CDAN1: variants seen among roughly 807,000 people sequenced by gnomAD.
CDAN1 encodes the protein codanin-1.
CDAN1 carries 107 observed loss-of-function variants against 139.8 expected under a neutral mutation model. That is an observed-to-expected ratio of 0.77 (90% CI 0.65 to 0.90). The LOEUF (loss-of-function observed/expected upper bound fraction) is 0.90. CDAN1 is among the 40% of genes least tolerant of loss of function. The pLI, the probability that CDAN1 is intolerant of heterozygous loss-of-function variation, is 0.00. For missense variants in CDAN1, 1,667 were observed against 1,575.7 expected, an observed-to-expected ratio of 1.06 and a Z score of -0.98; for synonymous variants, 776 against 660.6, an observed-to-expected ratio of 1.17 and a Z score of -2.68.
At chr15:42,731,468 G>T in intron 11 of CDAN1, 137 bp from the exon 12 acceptor site, 1 of 1,434,170 alleles carries the variant, frequency 7.0e-7, no homozygotes, top group Non-Finnish European at 9.8e-7. Flanking sequence ...ACCCACGTGG[G>T]TGACAGAATG....
intron 21 of CDAN1, 64 bp downstream of exon 21, chr15:42,728,140 G>T: frequency 6.3e-7 from 1 of 1,596,392 alleles, no homozygotes. Context: ...CGCAGCCTCA[G>T]ACTACTCCGT....
Position 42,729,588 on chromosome 15 carries a change from T to C in CDAN1, c.2387A>G (p.Tyr796Cys). ...CTCACCGATGTAGGGGCAGCAGGTG[T>C]AGAGCAGCTGCTGGTCCACCACAGG... is the stretch of plus-strand genomic sequence containing the variant. ...NAPVVDQQLLYTCCPYIGELR... is the reference protein window; with the variant it reads ...NAPVVDQQLLCTCCPYIGELR... The change falls in exon 17 of 28, where the codon TAC becomes TGC. Residue 796 changes from tyrosine to cysteine, a missense_variant. Tyr to Cys is a radical substitution (Grantham distance 194, BLOSUM62 -2). Around this residue, in one of 3 missense-constraint regions of CDAN1, gnomAD observed 936 missense variants for 844.1 expected, o/e 1.11. Coordinates refer to ENST00000356231, the MANE Select transcript of CDAN1 (RefSeq NM_138477.4). 6.2e-7 allele frequency: 1 copy of C among 1,614,114 alleles called. No individual in the cohort carries two copies. Among genetic ancestry groups the C allele is most frequent in the Non-Finnish European group, 8.5e-7 (1 of 1,180,004 alleles).
chr15:42,727,488 GA>G, intron 23 of CDAN1, 132 bp downstream of exon 23: 1 of 811,114 alleles, frequency 1.2e-6, no homozygotes, highest in Non-Finnish European at 1.9e-6. Context: ...AGTAATGAGT[GA>G]AACGGGGACT....
rs764692459 is a variant in CDAN1 at position 42,735,897 on chromosome 15, G to A, written c.751C>T (p.Arg251Ter). The change falls in exon 3 of 28, where the codon CGA (arginine) becomes TGA (stop). Residue 251 changes from arginine (R) to a stop codon, truncating the protein, a stop_gained. Transcript: ENST00000356231. LOFTEE classifies it high-confidence loss of function. ...TACCGCTCCTTCCTGAGCATCTCTCGCTCCTCTTGCAGACTTCTGCACCCT... is the reference window on the plus strand; with the variant it reads ...TACCGCTCCTTCCTGAGCATCTCTCACTCCTCTTGCAGACTTCTGCACCCT... ...PPGCRSLQEEREMLRKERSKQ... is the reference protein window; with the variant it reads ...PPGCRSLQEE 27 of 1,614,124 alleles carry A rather than the reference G, an allele frequency of 1.7e-5. No homozygotes were observed. Among genetic ancestry groups the A allele is most frequent in the African/African-American group, 2.7e-5 (2 of 75,026 alleles).
In CDAN1 at chr15:42,731,446, A is replaced by G. The variant is rs919053416; in HGVS notation, c.1740-115T>C. The G allele has an allele frequency of 1.4e-5, 21 of 1,512,304 alleles. No homozygotes were observed. The African/African-American group carries it at 2.6e-4, about 19-fold the overall frequency. 93.7% of individuals were successfully genotyped at this position (1,512,304 alleles called of 1,614,324 possible). A position where few individuals can be genotyped will look rare whatever the true frequency, so the allele number is the denominator to read the frequency against. The stretch of plus-strand genomic sequence containing the variant: ...AGCAGGACAGACAGGGAGGCCCAGG[A>G]GCAATGAAATCACCCACGTGGGTGA... On this transcript the variant is annotated intron_variant, in intron 11 of 27. Transcript: ENST00000356231.
chr15:42,732,223 C>G, intron 10 of CDAN1, 110 bp downstream of exon 10: 1 of 1,066,134 alleles, frequency 9.4e-7, no homozygotes, highest in Non-Finnish European at 1.5e-6. Context: ...TGTTCAAATT[C>G]CAGCCCAGGA....
In CDAN1 at chr15:42,730,606, G is replaced by C; in HGVS notation, c.2166C>G (p.Arg722=). 1 of 1,614,172 alleles carries C rather than the reference G, an allele frequency of 6.2e-7. No homozygotes were observed. ...YYRDIFTLLL[R]LHRSLVLSQE... is the part of the protein sequence containing the mutation. The stretch of plus-strand genomic sequence containing the variant: ...AGCCTTGTTCCACTCACCGGTGCAG[G>C]CGCAGCAGGAGAGTGAAGATGTCCC... Residue 722 remains arginine (R), a synonymous_variant, in exon 14 of 28, where the codon CGC becomes CGG. Coordinates refer to ENST00000356231, the MANE Select transcript of CDAN1 (RefSeq NM_138477.4).
At position 42,731,270 on chromosome 15, in the gene CDAN1, G is replaced by C. The variant is rs1161546846; in HGVS notation, c.1801C>G (p.Leu601Val). Residue 601 changes from leucine (L) to valine (V), a missense_variant, in exon 12 of 28, where the codon CTT becomes GTT. This residue lies in a region of CDAN1 where 936 missense variants were observed against 844.1 expected (regional missense o/e 1.11). Coordinates refer to ENST00000356231, the MANE Select transcript of CDAN1 (RefSeq NM_138477.4). ...LSLKIQELNG[L>V]ALPQHEPNDE... ...TTGGGCTCATGCTGGGGCAGGGCAA[G>C]ACCATTGAGCTCCTGGATCTTCAAG... The C allele has an allele frequency of 6.2e-7, 1 of 1,614,070 alleles. No homozygotes were observed. The highest frequency in any genetic ancestry group is 2.2e-5 in the East Asian group (1 of 44,888).
rs1372521803 is a variant in CDAN1, at chr15:42,731,088, G to A, written c.1861-17C>T. On this transcript the variant is annotated splice_polypyrimidine_tract_variant and intron_variant, in intron 12 of 27. Transcript: ENST00000356231. ...CCGCTCACCCTGCATGGAATCAAGG[G>A]AAGTAAAAGGTCCAAGCATGAGGCT... The A allele has an allele frequency of 6.2e-7, 1 of 1,614,218 alleles. No individual in the cohort carries two copies. The highest frequency in any genetic ancestry group is 1.3e-5 in the African/African-American group (1 of 75,060).
Position 42,734,025 on chromosome 15 carries a change from G to A in CDAN1, c.1280C>T (p.Ser427Phe). ...VAKVSLVMPP[S>F]TQAVSFQPET... ...TGGCTGAAAGGAGACAGCTTGAGTAGAGGGAGGCATCACCAGAGAGACCTA... is the reference window on the plus strand; with the variant it reads ...TGGCTGAAAGGAGACAGCTTGAGTAAAGGGAGGCATCACCAGAGAGACCTA... Residue 427 changes from serine to phenylalanine, a missense_variant, in exon 8 of 28, where the codon TCT (serine) becomes TTT (phenylalanine). Transcript: ENST00000356231. 1 of 1,614,006 alleles carries A rather than the reference G, an allele frequency of 6.2e-7. No homozygotes were observed. The highest frequency in any genetic ancestry group is 1.1e-5 in the South Asian group (1 of 91,080).
Position 42,735,870 on chromosome 15 carries a change from C to A in CDAN1, c.773+5G>T, listed in dbSNP as rs2061680471. The stretch of plus-strand genomic sequence containing the variant: ...CCGATATCCCCAGGAGCGGCCAGGC[C>A]ATACCGCTCCTTCCTGAGCATCTCT... On this transcript the variant is annotated splice_donor_5th_base_variant and intron_variant, in intron 3 of 27. Coordinates refer to ENST00000356231, the MANE Select transcript of CDAN1 (RefSeq NM_138477.4). 1 of 1,613,990 alleles carries A rather than the reference C, an allele frequency of 6.2e-7. No homozygotes were observed. The highest frequency in any genetic ancestry group is 8.5e-7 in the Non-Finnish European group (1 of 1,180,006).
At position 42,726,361 on chromosome 15, in the gene CDAN1, C is replaced by T. The variant is rs28661826; in HGVS notation, c.3153G>A (p.Glu1051=). ...PRDPDEGVSP[E]HLEQLLGQLG... ...GCTGGCCTAGGAGCTGTTCCAGATGCTCTGGGGAGACTCCCTCGTCAGGGT... is the reference window on the plus strand; with the variant it reads ...GCTGGCCTAGGAGCTGTTCCAGATGTTCTGGGGAGACTCCCTCGTCAGGGT... The change falls in exon 24 of 28, where the codon GAG becomes GAA. Residue 1051 remains glutamate, a synonymous_variant. Coordinates refer to ENST00000356231, the MANE Select transcript of CDAN1 (RefSeq NM_138477.4). 0.022 allele frequency: 35,299 copies of T among 1,598,168 alleles called. 1,583 individuals are homozygous for T. The highest frequency in any genetic ancestry group is 0.18 in the African/African-American group (13,745 of 74,726).
At chr15:42,728,945 C>CGA (rs2061569863) in intron 19 of CDAN1, 78 bp downstream of exon 19, 4 of 1,573,896 alleles carry the variant, frequency 2.5e-6, no homozygotes, top group Non-Finnish European at 3.5e-6. Context: ...CTCTGGCTGA[C>CGA]CTTCTCAGTT....
rs1312068664 is a variant in CDAN1 at position 42,735,182 on chromosome 15, G to A, written c.1058-4C>T. The A allele has an allele frequency of 6.2e-7, 1 of 1,612,388 alleles. No individual in the cohort carries two copies. Among genetic ancestry groups the A allele is most frequent in the Non-Finnish European group, 8.5e-7 (1 of 1,178,580 alleles). Reference sequence around the variant, plus strand: ...AACAGTGGACTTTCCAGGGAATCTAGAAGGACAGTACCAAGCTGTCAGTTA... The same window carrying A: ...AACAGTGGACTTTCCAGGGAATCTAAAAGGACAGTACCAAGCTGTCAGTTA... On this transcript the variant is annotated splice_polypyrimidine_tract_variant and splice_region_variant and intron_variant, in intron 5 of 27. Transcript: ENST00000356231.
chr15:42,736,830 CGGGCCGT>C, intron 1 of CDAN1, 50 bp from the exon 2 acceptor site: 2 of 1,472,776 alleles, frequency 1.4e-6, no homozygotes, highest in Non-Finnish European at 1.8e-6. Context: ...CGCCGGCCCG[CGGGCCGT>C]GAGCAGCCGG....
chr15:42,733,341 C>T lies in CDAN1; in HGVS notation c.1368-155G>A, dbSNP rs865901716. Among the ~76,000 whole-genome samples, 105 of 151,874 alleles carry T rather than the reference C, an allele frequency of 6.9e-4. No homozygotes were observed. In the Middle Eastern group the frequency reaches 0.014, roughly 20 times the overall value. On this transcript the variant is annotated intron_variant, in intron 8 of 27. Coordinates refer to ENST00000356231, the MANE Select transcript of CDAN1 (RefSeq NM_138477.4). ...TCAGGCTGGATTGCAATGACGCGAT[C>T]TCAGCTCACTGCAACCTCCGCCCCG...
chr15:42,733,224 C>T (rs1344470242), intron 8 of CDAN1, 38 bp from the exon 9 acceptor site: 1 of 1,541,184 alleles, frequency 6.5e-7, no homozygotes. Flanking sequence ...GAGGCACTCA[C>T]TCCCACCAGT....
In CDAN1 at chr15:42,728,281, G is replaced by A. The variant is rs1392971860; in HGVS notation, c.2805-14C>T. ...CTTTGACAGAACCTAAAAGGGGACA[G>A]ATGGGGTCAGTGATCTCTGGGTATT... On this transcript the variant is annotated splice_polypyrimidine_tract_variant and intron_variant, in intron 20 of 27. Coordinates refer to ENST00000356231, the MANE Select transcript of CDAN1 (RefSeq NM_138477.4). 1 of 1,613,748 alleles carries A rather than the reference G, an allele frequency of 6.2e-7. No individual in the cohort carries two copies. Among genetic ancestry groups the A allele is most frequent in the Admixed American group, 1.7e-5 (1 of 60,030 alleles).
Position 42,736,490 on chromosome 15 carries a change from C to G in CDAN1, c.381G>C (p.Pro127=). Residue 127 remains proline, a synonymous_variant, in exon 2 of 28, where the codon CCG becomes CCC. Coordinates refer to ENST00000356231, the MANE Select transcript of CDAN1 (RefSeq NM_138477.4). ...RRGGRRRGPG[P]ARERGGRGLE... ...GGCCGCGGCCTCCACGCTCGCGGGC[C>G]GGCCCCGGGCCCCGCCTCCTGCCCC... The G allele has an allele frequency of 1.4e-6, 2 of 1,426,322 alleles. No homozygotes were observed. The highest frequency in any genetic ancestry group is 1.8e-6 in the Non-Finnish European group (2 of 1,098,890). The allele number at this position is 1,426,322 out of a possible 1,614,324, so 88.4% of individuals were successfully genotyped here. A position where few individuals can be genotyped will look rare whatever the true frequency, so the allele number is the denominator to read the frequency against.
Sources: allele counts gnomAD v4.1 joint callset (sites outside exome capture counted in the v4.1 genomes callset), GRCh38; gene constraint gnomAD v4.1.1; regional missense constraint gnomAD v4.1.1; transcripts MANE v1.5; gene names NCBI Gene and HGNC (gene_info 2026-07-23, HGNC 2026-07-21).